Variants in TSNARE1 observed in about 807,000 individuals in gnomAD.
TSNARE1 encodes the protein t-SNARE domain containing 1.
In TSNARE1, 49 loss-of-function variants were observed where a neutral mutation model predicts 62.0. That is an observed-to-expected ratio of 0.79 (90% CI 0.63 to 1.00). The LOEUF (loss-of-function observed/expected upper bound fraction) is 1.00, where lower values mean the gene tolerates loss of function less well. Among genes scored for constraint, TSNARE1 ranks in the 50% least tolerant of loss-of-function variants. The probability of loss-of-function intolerance (pLI) is 0.00; values close to 1 mark genes in which losing one functional copy is unlikely to be tolerated. For synonymous variants in TSNARE1, 328 were observed against 294.4 expected (o/e 1.11, Z -1.17); for missense variants, 755 against 700.1 (o/e 1.08, Z -0.88).
chr8:142,318,818 A>C (rs925171095), intron 6 of TSNARE1, among the ~76,000 whole-genome samples, 184 bp from the exon 7 acceptor site: 1 of 151,956 alleles, frequency 6.6e-6, no homozygotes, highest in Non-Finnish European at 1.5e-5. Flanking sequence ...AGAGGAAAAC[A>C]AGAGTAGGGA....
intron 1 of TSNARE1, among the ~76,000 whole-genome samples, chr8:142,393,291 G>A (rs557756780): frequency 2.0e-5 from 3 of 152,306 alleles, no homozygotes; most frequent in African/African-American, 7.2e-5. Flanking sequence ...ACGACATTAC[G>A]GAGATGGAGA....
chr8:142,242,947 C>CAAAAAAAAAA (rs35092120), intron 12 of TSNARE1, among the ~76,000 whole-genome samples: 1 of 51,388 alleles, frequency 1.9e-5, no homozygotes, highest in African/African-American at 8.1e-5. Flanking sequence ...AACTCTGTCT[C>CAAAAAAAAAA]AAAAAAAAAA....
chr8:142,352,905 G>A (rs559980073), intron 2 of TSNARE1, among the ~76,000 whole-genome samples: 3 of 152,218 alleles, frequency 2.0e-5, no homozygotes, highest in African/African-American at 7.2e-5. Context: ...TACACCCCAC[G>A]CACACGTGTG....
intron 6 of TSNARE1, among the ~76,000 whole-genome samples, chr8:142,326,738 A>G (rs1456319194): frequency 6.6e-6 from 1 of 152,266 alleles, no homozygotes; most frequent in Non-Finnish European, 1.5e-5. Context: ...GCTGCACAGC[A>G]GGAGGAAACT....
chr8:142,252,963 G>C (rs1268830213), intron 12 of TSNARE1, among the ~76,000 whole-genome samples: 4 of 152,226 alleles, frequency 2.6e-5, no homozygotes, highest in African/African-American at 9.6e-5. Flanking sequence ...TCCGGCCCAG[G>C]TGTGGGGATG....
Position 142,325,272 on chromosome 8 carries a change from C to G in TSNARE1, c.893+5629G>C, listed in dbSNP as rs560791670. Among the ~76,000 whole-genome samples the G allele has an allele frequency of 1.6e-4, 25 of 152,102 alleles. 1 individual carries two copies. The highest frequency in any genetic ancestry group is 3.4e-4 in the Non-Finnish European group (23 of 68,024). On this transcript the variant is annotated intron_variant, in intron 6 of 13. Transcript: ENST00000524325. ...CTACAGTTGTCAGGGTCATGCTGGG[C>G]GGACCTGAAAGGCCACAACACAGAC... is the stretch of plus-strand genomic sequence containing the variant.
At chr8:142,329,923 G>A (rs1029067818) in intron 6 of TSNARE1, among the ~76,000 whole-genome samples, 3 of 152,244 alleles carry the variant, frequency 2.0e-5, no homozygotes, top group Admixed American at 6.5e-5. Context: ...TGTGGCAGGC[G>A]CCTGCGGATT....
At chr8:142,354,929 AC>A (rs534007467) in intron 1 of TSNARE1, among the ~76,000 whole-genome samples, 166 bp from the exon 2 acceptor site, 3 of 146,704 alleles carry the variant, frequency 2.0e-5, no homozygotes, top group Non-Finnish European at 4.5e-5. Context: ...CCAAACAGCA[AC>A]CCCCCCACAG....
chr8:142,380,463 G>T (rs540850168), intron 1 of TSNARE1, among the ~76,000 whole-genome samples: 11 of 152,310 alleles, frequency 7.2e-5, no homozygotes, highest in Admixed American at 2.0e-4. Flanking sequence ...GGAGGGCAGA[G>T]GGGACAGACC....
intron 12 of TSNARE1, among the ~76,000 whole-genome samples, chr8:142,246,655 C>A (rs566916580): frequency 6.6e-6 from 1 of 152,130 alleles, no homozygotes; most frequent in East Asian, 1.9e-4. Flanking sequence ...GAGCCCTGGG[C>A]CCCTCGTCTT....
At chr8:142,262,672 C>T (rs757425668) in intron 12 of TSNARE1, among the ~76,000 whole-genome samples, 8 of 152,064 alleles carry the variant, frequency 5.3e-5, no homozygotes, top group Non-Finnish European at 5.9e-5. Flanking sequence ...AAGTGTGTGG[C>T]ACCTCCCCCA....
In TSNARE1 at chr8:142,300,638, G is replaced by A; in HGVS notation, c.1138C>T (p.Gln380Ter). The change falls in exon 10 of 14, where the codon CAG becomes TAG. Residue 380 changes from glutamine to a stop codon, truncating the protein, a stop_gained. Coordinates refer to ENST00000524325, the MANE Select transcript of TSNARE1 (RefSeq NM_145003.5). LOFTEE classifies it high-confidence loss of function. ...MAQRGSKQSPQAPFAELADDE... is the reference protein window; with the variant it reads ...MAQRGSKQSP ...TCAGCCAGCTCGGCAAACGGGGCCTGGGGACTCTGCTGATGACAGACAGAT... is the reference window on the plus strand; with the variant it reads ...TCAGCCAGCTCGGCAAACGGGGCCTAGGGACTCTGCTGATGACAGACAGAT... 1 of 1,612,872 alleles carries A rather than the reference G, an allele frequency of 6.2e-7. No individual in the cohort carries two copies. Among genetic ancestry groups the A allele is most frequent in the Non-Finnish European group, 8.5e-7 (1 of 1,179,614 alleles).
Position 142,275,253 on chromosome 8 carries a change from C to G in TSNARE1, c.1364-390G>C, listed in dbSNP as rs1266896477. ...CACGGCCCCCTCTGAAGGGGCAAAG[C>G]CCCTGCCTTAACGTCTGTGGAGTTG... On this transcript the variant is annotated intron_variant, in intron 11 of 13. Coordinates refer to ENST00000524325, the MANE Select transcript of TSNARE1 (RefSeq NM_145003.5). The G allele has an allele frequency of 5.1e-6, 5 of 985,358 alleles. No individual in the cohort carries two copies. The East Asian group carries it at 5.7e-4, about 112-fold the overall frequency. The allele number at this position is 985,358 out of a possible 1,614,324, so 61.0% of individuals were successfully genotyped here. A position where few individuals can be genotyped will look rare whatever the true frequency, so the allele number is the denominator to read the frequency against.
In TSNARE1 at chr8:142,399,953, G is replaced by A. The variant is rs953908073; in HGVS notation, c.-40+3151C>T. ...CTCACGCTGGGAATCCCAGCACTCC[G>A]GGAGGCTGAGGCCAGAGGATGGCTT... On this transcript the variant is annotated intron_variant, in intron 1 of 13. Coordinates refer to ENST00000524325, the MANE Select transcript of TSNARE1 (RefSeq NM_145003.5). Among the ~76,000 whole-genome samples the A allele has an allele frequency of 3.9e-5, 6 of 152,170 alleles. No homozygotes were observed. The South Asian group carries it at 6.2e-4, about 16-fold the overall frequency.
chr8:142,286,242 C>G (rs1037764261), intron 10 of TSNARE1, among the ~76,000 whole-genome samples: 1 of 152,180 alleles, frequency 6.6e-6, no homozygotes, highest in African/African-American at 2.4e-5. Flanking sequence ...GAAGATCCTT[C>G]AGGCCTGCCG....
chr8:142,363,681 T>A (rs1469547540), intron 1 of TSNARE1, among the ~76,000 whole-genome samples: 2 of 152,158 alleles, frequency 1.3e-5, no homozygotes, highest in African/African-American at 4.8e-5. Flanking sequence ...GCCTTCAAGC[T>A]GTGACTGATG....
intron 10 of TSNARE1, among the ~76,000 whole-genome samples, chr8:142,295,155 C>T (rs748171438): frequency 5.5e-4 from 84 of 152,174 alleles, no homozygotes; most frequent in Non-Finnish European, 7.6e-4. Flanking sequence ...TTCTCCCACC[C>T]GAGCAACCCA....
At chr8:142,258,087 C>T (rs1372769745) in intron 12 of TSNARE1, among the ~76,000 whole-genome samples, 2 of 152,288 alleles carry the variant, frequency 1.3e-5, no homozygotes, top group South Asian at 2.1e-4. Context: ...CATGCACACA[C>T]GTACACACCT....
intron 11 of TSNARE1, among the ~76,000 whole-genome samples, chr8:142,282,633 A>G (rs574520820): frequency 8.0e-6 from 1 of 125,368 alleles, no homozygotes; most frequent in African/African-American, 3.1e-5. Flanking sequence ...GTCAATGAGC[A>G]GAGGCGGGGC....
Sources: allele counts gnomAD v4.1 joint callset (sites outside exome capture counted in the v4.1 genomes callset), GRCh38; gene constraint gnomAD v4.1.1; transcripts MANE v1.5; gene names NCBI Gene and HGNC (gene_info 2026-07-23, HGNC 2026-07-21).